Variants in ACAD11 observed in about 807,000 individuals in gnomAD.
ACAD11 encodes acyl-Coenzyme A dehydrogenase family, member 11.
In ACAD11, 83 loss-of-function variants were observed where a neutral mutation model predicts 102.2. That is an observed-to-expected ratio of 0.81 (90% CI 0.68 to 0.97). The LOEUF (loss-of-function observed/expected upper bound fraction) is 0.97, where lower values mean the gene tolerates loss of function less well. Among genes scored for constraint, ACAD11 ranks in the 50% least tolerant of loss-of-function variants. The pLI, the probability that ACAD11 is intolerant of heterozygous loss-of-function variation, is 0.00. For missense variants in ACAD11, 901 were observed against 951.7 expected, an observed-to-expected ratio of 0.95 and a Z score of 0.70; for synonymous variants, 324 against 319.8, an observed-to-expected ratio of 1.01 and a Z score of -0.14.
chr3:132,631,543 A>T, intron 5 of ACAD11, 64 bp from the exon 6 acceptor site: 1 of 1,213,464 alleles, frequency 8.2e-7, no homozygotes, highest in Non-Finnish European at 1.1e-6. Flanking sequence ...ATAAAGAAAT[A>T]AATAACATTG....
At chr3:132,630,103 G>C (rs1272532711) in intron 7 of ACAD11, among the ~76,000 whole-genome samples, 2 of 152,034 alleles carry the variant, frequency 1.3e-5, no homozygotes, top group Non-Finnish European at 2.9e-5. Flanking sequence ...CTGAGGCAGA[G>C]ATCATCAAAA....
chr3:132,560,732 T>C (rs1221489234), intron 18 of ACAD11, among the ~76,000 whole-genome samples: 1 of 152,082 alleles, frequency 6.6e-6, no homozygotes, highest in Non-Finnish European at 1.5e-5. Flanking sequence ...TACATCATCT[T>C]GGTTACTCTT....
chr3:132,604,338 T>C (rs1411019317), intron 12 of ACAD11, among the ~76,000 whole-genome samples: 3 of 152,218 alleles, frequency 2.0e-5, no homozygotes, highest in African/African-American at 7.2e-5. Flanking sequence ...CATAGGTACA[T>C]ATGTATAAGA....
chr3:132,597,660 G>A (rs562958996), intron 13 of ACAD11, among the ~76,000 whole-genome samples: 16 of 151,500 alleles, frequency 1.1e-4, no homozygotes, highest in East Asian at 3.9e-4. Context: ...ACTTAAAAGC[G>A]TGTCTATATA....
intron 9 of ACAD11, among the ~76,000 whole-genome samples, chr3:132,623,617 G>A (rs1041687855): frequency 6.6e-6 from 1 of 151,856 alleles, no homozygotes; most frequent in Non-Finnish European, 1.5e-5. Flanking sequence ...TGGCTTTTCT[G>A]GTCACACAAA....
intron 1 of ACAD11, chr3:132,654,581 C>T (rs777215263): frequency 3.9e-5 from 6 of 152,228 alleles, no homozygotes; most frequent in Admixed American, 1.3e-4. Flanking sequence ...GCTGAGATGC[C>T]TGCAGAATCT....
At chr3:132,603,552 T>C (rs1483559010) in intron 12 of ACAD11, among the ~76,000 whole-genome samples, 1 of 152,208 alleles carries the variant, frequency 6.6e-6, no homozygotes, top group Non-Finnish European at 1.5e-5. Flanking sequence ...ATCAGTATTT[T>C]GAACTGTATT....
At chr3:132,603,106 A>C (rs1413655056) in intron 13 of ACAD11, 123 bp downstream of exon 13, 14 of 878,212 alleles carry the variant, frequency 1.6e-5, no homozygotes, top group Non-Finnish European at 2.5e-5. Context: ...CCTGGCCTAC[A>C]CATGCAGAAT....
At chr3:132,659,463 C>A in intron 1 of ACAD11, 140 bp downstream of exon 1, 1 of 1,230,108 alleles carries the variant, frequency 8.1e-7, no homozygotes, top group Non-Finnish European at 1.1e-6. Context: ...GCAATAGCAG[C>A]TCATGCCTGT....
Position 132,599,100 on chromosome 3 carries a change from C to A in ACAD11, c.1621+4129G>T, listed in dbSNP as rs143085447. Among the ~76,000 whole-genome samples, 293 of 152,196 alleles carry A rather than the reference C, an allele frequency of 1.9e-3. 12 individuals carry two copies. In the East Asian group the frequency reaches 0.052, roughly 27 times the overall value. ...GGCCAAGGCAGGTAGATTGCTTGAG[C>A]CCAGGAGTTTGAGACCAGCCTTGGC... On this transcript the variant is annotated intron_variant, in intron 13 of 19. Coordinates refer to ENST00000264990, the MANE Select transcript of ACAD11 (RefSeq NM_032169.5).
intron 11 of ACAD11, among the ~76,000 whole-genome samples, chr3:132,607,753 C>T (rs1350690888): frequency 6.6e-6 from 1 of 152,084 alleles, no homozygotes; most frequent in East Asian, 1.9e-4. Context: ...GGCCAACATT[C>T]AAATTCAGGA....
At chr3:132,571,073 G>A (rs1937362122) in intron 17 of ACAD11, among the ~76,000 whole-genome samples, 1 of 152,106 alleles carries the variant, frequency 6.6e-6, no homozygotes, top group Non-Finnish European at 1.5e-5. Flanking sequence ...TAAGTTCTTT[G>A]AGGAATCCTC....
At chr3:132,582,377 G>A (rs1236450557) in intron 13 of ACAD11, among the ~76,000 whole-genome samples, 1 of 151,352 alleles carries the variant, frequency 6.6e-6, no homozygotes, top group African/African-American at 2.4e-5. Flanking sequence ...CATGATGTTT[G>A]GATGTGGAGA....
In ACAD11 at chr3:132,627,054, G is replaced by A. The variant is rs111696443; in HGVS notation, c.1071-237C>T. The A allele has an allele frequency of 4.0e-4, 138 of 342,700 alleles. 1 individual carries two copies. Among genetic ancestry groups the A allele is most frequent in the Middle Eastern group, 2.6e-3 (3 of 1,148 alleles). The allele number at this position is 342,700 out of a possible 1,614,324, so 21.2% of individuals were successfully genotyped here. A position where few individuals can be genotyped will look rare whatever the true frequency, so the allele number is the denominator to read the frequency against. ...CTATTTGGGGAAAACATATAGGCCTGGCATCACCTCAAGCAATGTTAGTGA... is the reference window on the plus strand; with the variant it reads ...CTATTTGGGGAAAACATATAGGCCTAGCATCACCTCAAGCAATGTTAGTGA... On this transcript the variant is annotated intron_variant, in intron 8 of 19. Coordinates refer to ENST00000264990, the MANE Select transcript of ACAD11 (RefSeq NM_032169.5).
At chr3:132,599,953 C>T (rs937477387) in intron 13 of ACAD11, among the ~76,000 whole-genome samples, 13 of 151,942 alleles carry the variant, frequency 8.6e-5, no homozygotes, top group Admixed American at 3.3e-4. Flanking sequence ...TTGCTATTTT[C>T]GTTTTTATTC....
intron 17 of ACAD11, 110 bp downstream of exon 17, chr3:132,575,662 G>C (rs544940009): frequency 6.4e-5 from 85 of 1,327,360 alleles, no homozygotes; most frequent in Non-Finnish European, 8.7e-5. Flanking sequence ...TTATTGAAAA[G>C]AATCACCCGG....
At chr3:132,575,274 G>A (rs1271497172) in intron 17 of ACAD11, among the ~76,000 whole-genome samples, 1 of 152,212 alleles carries the variant, frequency 6.6e-6, no homozygotes, top group South Asian at 2.1e-4. Flanking sequence ...CAAAATGTTG[G>A]TCCCATTTCT....
intron 5 of ACAD11, 39 bp from the exon 6 acceptor site, chr3:132,631,518 C>A: frequency 1.5e-6 from 2 of 1,355,844 alleles, no homozygotes; most frequent in African/African-American, 1.5e-5. Context: ...CACATTAAAA[C>A]TTAAAACAAG....
At chr3:132,608,589 C>T (rs1938964923) in intron 11 of ACAD11, among the ~76,000 whole-genome samples, 1 of 152,092 alleles carries the variant, frequency 6.6e-6, no homozygotes, top group Non-Finnish European at 1.5e-5. Flanking sequence ...ACAAGAAGAG[C>T]TAACTATCCT....
Sources: gnomAD v4.1 joint callset for allele counts (sites outside exome capture counted in the v4.1 genomes callset) on GRCh38, gnomAD v4.1.1 for gene constraint, MANE v1.5 for transcripts, NCBI Gene and HGNC (gene_info 2026-07-23, HGNC 2026-07-21) for gene names.